Variants in SIM1 observed in about 807,000 individuals in gnomAD.
The protein encoded by SIM1 is SIM bHLH transcription factor 1.
In SIM1, 18 loss-of-function variants were observed where a neutral mutation model predicts 78.2. That is an observed-to-expected ratio of 0.23 (90% CI 0.16 to 0.34). The LOEUF (loss-of-function observed/expected upper bound fraction) is 0.34, where lower values mean the gene tolerates loss of function less well. Among genes scored for constraint, SIM1 ranks in the 10% least tolerant of loss-of-function variants. SIM1 has a pLI of 1.00. For synonymous variants in SIM1, 417 were observed against 385.2 expected (o/e 1.08, Z -0.97); for missense variants, 939 against 975.1 (o/e 0.96, Z 0.49).
At chr6:100,456,635 A>C (rs912019400) in intron 2 of SIM1, among the ~76,000 whole-genome samples, 5 of 152,200 alleles carry the variant, frequency 3.3e-5, no homozygotes, top group Non-Finnish European at 5.9e-5. Context: ...ATTTCCAAGA[A>C]ATGCCACATT....
At position 100,438,123 on chromosome 6, in the gene SIM1, TA is replaced by T. The variant is rs201300655; in HGVS notation, c.998+9144del. Among the ~76,000 whole-genome samples the T allele has an allele frequency of 4.4e-3, 667 of 151,730 alleles. 5 individuals carry two copies. The highest frequency in any genetic ancestry group is 0.015 in the African/African-American group (636 of 41,374). On this transcript the variant is annotated intron_variant, in intron 9 of 11. Coordinates refer to ENST00000369208, the MANE Select transcript of SIM1 (RefSeq NM_005068.3). ...TGAAAATAAATAAATGGGACCTGAT[TA>T]AAAAAAAGCTTCTGCGTTGCAAAAG...
intron 10 of SIM1, among the ~76,000 whole-genome samples, chr6:100,417,167 C>T (rs1284959705): frequency 3.9e-5 from 6 of 152,022 alleles, no homozygotes; most frequent in African/African-American, 1.5e-4. Flanking sequence ...TCCTGAAGTC[C>T]CCTCTCCTCT....
At chr6:100,400,962 T>C (rs369767639) in intron 10 of SIM1, among the ~76,000 whole-genome samples, 4 of 150,166 alleles carry the variant, frequency 2.7e-5, no homozygotes, top group African/African-American at 9.7e-5. Flanking sequence ...TCCCCACAGA[T>C]TGCTTTTTAA....
intron 9 of SIM1, among the ~76,000 whole-genome samples, chr6:100,438,475 A>G (rs1281363011): frequency 6.6e-6 from 1 of 152,200 alleles, no homozygotes; most frequent in Non-Finnish European, 1.5e-5. Flanking sequence ...ATATTGGTGT[A>G]AGTGTGGTAA....
intron 10 of SIM1, among the ~76,000 whole-genome samples, chr6:100,402,567 C>CTTTTTTTTTTTTTTTTTTTTTTTT (rs869130841): frequency 6.5e-5 from 5 of 76,336 alleles, no homozygotes; most frequent in East Asian, 5.6e-4. Context: ...TTTCTTTTCT[C>CTTTTTTTTTTTTTTTTTTTTTTTT]TTTTTTTTTT....
At chr6:100,418,383 T>TAAATAAATAAATAAATAAATA (rs1460412211) in intron 10 of SIM1, among the ~76,000 whole-genome samples, 5 of 150,836 alleles carry the variant, frequency 3.3e-5, no homozygotes, top group African/African-American at 1.2e-4. Context: ...AATAAATAAA[T>TAAATAAATAAATAAATAAATA]AAATAAAATA....
intron 2 of SIM1, among the ~76,000 whole-genome samples, chr6:100,461,841 C>CTTTTTTTTTTTTTTTTTTTTTTTTTT (rs10522700): frequency 8.8e-6 from 1 of 113,350 alleles, no homozygotes; most frequent in African/African-American, 3.6e-5. Flanking sequence ...TTCTTTCTTT[C>CTTTTTTTTTTTTTTTTTTTTTTTTTT]TTTTTTTTTT....
intron 9 of SIM1, among the ~76,000 whole-genome samples, chr6:100,444,753 T>A (rs1772312085): frequency 6.6e-6 from 1 of 152,192 alleles, no homozygotes; most frequent in East Asian, 1.9e-4. Context: ...ACTTATTTTT[T>A]AGGCATATTT....
intron 2 of SIM1, among the ~76,000 whole-genome samples, chr6:100,462,136 T>C (rs1772872578): frequency 6.6e-6 from 1 of 152,150 alleles, no homozygotes; most frequent in South Asian, 2.1e-4. Context: ...TAATGACTGT[T>C]TCCTGCTCAT....
chr6:100,421,558 T>G (rs757921030), intron 9 of SIM1, among the ~76,000 whole-genome samples: 6 of 152,154 alleles, frequency 3.9e-5, no homozygotes, highest in Admixed American at 6.6e-5. Flanking sequence ...TACAGGGGGA[T>G]GTAAGAATAA....
At position 100,442,080 on chromosome 6, in the gene SIM1, G is replaced by A. The variant is rs9390381; in HGVS notation, c.998+5188C>T. Among the ~76,000 whole-genome samples, 27 of 152,230 alleles carry A rather than the reference G, an allele frequency of 1.8e-4. No homozygotes were observed. In the East Asian group the frequency reaches 3.3e-3, roughly 18 times the overall value. On this transcript the variant is annotated intron_variant, in intron 9 of 11. Transcript: ENST00000369208. ...CCTAAAAATACAAAAAGCAATCTCC[G>A]ACCCAACCACTGTGCAGAGCCATCA...
intron 9 of SIM1, among the ~76,000 whole-genome samples, chr6:100,433,538 T>A (rs1009032715): frequency 1.3e-5 from 2 of 152,202 alleles, no homozygotes; most frequent in African/African-American, 4.8e-5. Context: ...ATGACTTTTT[T>A]ATTTCTTTAT....
intron 10 of SIM1, among the ~76,000 whole-genome samples, chr6:100,411,971 T>C (rs1460701152): frequency 6.6e-6 from 1 of 151,948 alleles, no homozygotes; most frequent in East Asian, 1.9e-4. Flanking sequence ...GATCACAAAG[T>C]TCAGGTAGGG....
intron 10 of SIM1, among the ~76,000 whole-genome samples, chr6:100,404,764 C>A (rs979831607): frequency 6.6e-6 from 1 of 151,974 alleles, no homozygotes; most frequent in African/African-American, 2.4e-5. Context: ...GGAGTTTTCT[C>A]AAGGATAAAC....
At chr6:100,412,759 A>AAAGAAAGAAAAAAGAAAG (rs139161593) in intron 10 of SIM1, among the ~76,000 whole-genome samples, 5 of 123,176 alleles carry the variant, frequency 4.1e-5, no homozygotes, top group Admixed American at 2.5e-4. Context: ...AAGAAAAAAG[A>AAAGAAAGAAAAAAGAAAG]AAAGAAAAAG....
chr6:100,422,295 T>C (rs1771612254), intron 9 of SIM1, among the ~76,000 whole-genome samples: 1 of 152,084 alleles, frequency 6.6e-6, no homozygotes, highest in Non-Finnish European at 1.5e-5. Flanking sequence ...CCTCCACCTC[T>C]TGGGTTCAAG....
At chr6:100,407,868 T>C (rs1181652583) in intron 10 of SIM1, among the ~76,000 whole-genome samples, 1 of 152,140 alleles carries the variant, frequency 6.6e-6, no homozygotes, top group East Asian at 1.9e-4. Context: ...AAGTTCCTTA[T>C]ATGTTTGTGA....
intron 2 of SIM1, among the ~76,000 whole-genome samples, chr6:100,454,353 C>G (rs1325762197): frequency 1.3e-5 from 2 of 152,202 alleles, no homozygotes; most frequent in African/African-American, 4.8e-5. Context: ...CTTCTAGCCA[C>G]TCTCCTCCCC....
intron 2 of SIM1, among the ~76,000 whole-genome samples, chr6:100,460,120 G>C (rs902508102): frequency 2.6e-5 from 4 of 152,060 alleles, no homozygotes; most frequent in African/African-American, 9.7e-5. Flanking sequence ...AATTATTCCA[G>C]GTACCCATAT....
Sources: gnomAD v4.1 joint callset for allele counts (sites outside exome capture counted in the v4.1 genomes callset) on GRCh38, gnomAD v4.1.1 for gene constraint, MANE v1.5 for transcripts, NCBI Gene and HGNC (gene_info 2026-07-23, HGNC 2026-07-21) for gene names.